Variants in FRMD5 observed in about 807,000 individuals in gnomAD.
FRMD5 encodes FERM domain containing 5, also known as FERM domain-containing protein 5.
A neutral mutation model predicts 69.0 loss-of-function variants in FRMD5; 20 were observed. That is an observed-to-expected ratio of 0.29 (90% CI 0.20 to 0.42). The LOEUF is 0.42. FRMD5 is among the 10% of genes least tolerant of loss of function. The pLI, the probability that FRMD5 is intolerant of heterozygous loss-of-function variation, is 1.00. For synonymous variants in FRMD5, 271 were observed against 260.1 expected, an observed-to-expected ratio of 1.04 and a Z score of -0.40; for missense variants, 595 against 708.6, an observed-to-expected ratio of 0.84 and a Z score of 1.82.
chr15:44,155,624 C>T (rs1055859334), intron 1 of FRMD5, among the ~76,000 whole-genome samples: 2 of 151,910 alleles, frequency 1.3e-5, no homozygotes, highest in Non-Finnish European at 1.5e-5. Context: ...GACAAAGTCT[C>T]GCTCTGTCAC....
chr15:44,051,879 C>A (rs897520805), intron 1 of FRMD5, among the ~76,000 whole-genome samples: 1 of 152,100 alleles, frequency 6.6e-6, no homozygotes. Context: ...TTTATCACAT[C>A]ATATCAAGGG....
intron 1 of FRMD5, among the ~76,000 whole-genome samples, chr15:43,979,979 CAT>C (rs1196767148): frequency 2.0e-5 from 3 of 152,194 alleles, no homozygotes; most frequent in African/African-American, 7.2e-5. Flanking sequence ...GGAACCAAGA[CAT>C]ATTAGATTGT....
intron 7 of FRMD5, among the ~76,000 whole-genome samples, chr15:43,898,469 G>A (rs2088967521): frequency 6.6e-6 from 1 of 152,232 alleles, no homozygotes; most frequent in Admixed American, 6.5e-5. Flanking sequence ...GGCACAGACA[G>A]ACTCTCAATA....
At position 44,157,512 on chromosome 15, in the gene FRMD5, C is replaced by T. The variant is rs547962813; in HGVS notation, c.102+37441G>A. ...TAATACTTCATATAATTCATAATGACGACTTAAAAAGTCCTAAGCAGGTAA... is the reference window on the plus strand; with the variant it reads ...TAATACTTCATATAATTCATAATGATGACTTAAAAAGTCCTAAGCAGGTAA... On this transcript the variant is annotated intron_variant, in intron 1 of 13. Transcript: ENST00000417257. Among the ~76,000 whole-genome samples, 84 of 152,166 alleles carry T rather than the reference C, an allele frequency of 5.5e-4. 1 individual carries two copies. In the South Asian group the frequency reaches 6.8e-3, roughly 12 times the overall value.
chr15:44,083,807 G>A lies in FRMD5; in HGVS notation c.102+111146C>T, dbSNP rs554674374. ...AGACATACACAGTTTAAAAGCCATT[G>A]TGTGTTAAATCAGTGGTTCATTCAG... is the stretch of plus-strand genomic sequence containing the variant. On this transcript the variant is annotated intron_variant, in intron 1 of 13. Coordinates refer to ENST00000417257, the MANE Select transcript of FRMD5 (RefSeq NM_032892.5). Among the ~76,000 whole-genome samples, 8 of 152,132 alleles carry A rather than the reference G, an allele frequency of 5.3e-5. No homozygotes were observed. The East Asian group carries it at 1.5e-3, about 29-fold the overall frequency.
intron 1 of FRMD5, among the ~76,000 whole-genome samples, chr15:44,097,573 C>G (rs2076571587): frequency 6.6e-6 from 1 of 152,182 alleles, no homozygotes; most frequent in Non-Finnish European, 1.5e-5. Flanking sequence ...AGGGCTCTGC[C>G]TTTAACACTG....
At chr15:44,160,313 G>A (rs368497114) in intron 1 of FRMD5, among the ~76,000 whole-genome samples, 3 of 152,180 alleles carry the variant, frequency 2.0e-5, no homozygotes, top group Non-Finnish European at 4.4e-5. Flanking sequence ...CCGAGATGGC[G>A]CCACTGCACC....
intron 1 of FRMD5, among the ~76,000 whole-genome samples, chr15:44,191,902 T>C: frequency 2.5e-3 from 1 of 402 alleles, no homozygotes; most frequent in East Asian, 0.083. Flanking sequence ...AATATATATA[T>C]ATATATATAT....
At chr15:44,021,314 G>A (rs185918800) in intron 1 of FRMD5, among the ~76,000 whole-genome samples, 37 of 152,202 alleles carry the variant, frequency 2.4e-4, no homozygotes, top group African/African-American at 8.9e-4. Context: ...AGTTCATATA[G>A]TTTAATTTTT....
intron 13 of FRMD5, chr15:43,876,100 C>T: frequency 2.2e-6 from 3 of 1,395,344 alleles, no homozygotes; most frequent in Non-Finnish European, 3.1e-6. Context: ...ATGATTTTGC[C>T]ATGTTTTTCC....
chr15:44,127,770 G>T (rs1056165751), intron 1 of FRMD5, among the ~76,000 whole-genome samples: 1 of 152,086 alleles, frequency 6.6e-6, no homozygotes, highest in South Asian at 2.1e-4. Context: ...TACTTGGAAG[G>T]CTGAGGTGGG....
At chr15:43,935,463 C>T (rs1033957675) in intron 1 of FRMD5, among the ~76,000 whole-genome samples, 2 of 152,220 alleles carry the variant, frequency 1.3e-5, no homozygotes. Context: ...CCAGCCCGGG[C>T]GGCAAGAGTG....
At chr15:44,163,569 T>C (rs1392127022) in intron 1 of FRMD5, among the ~76,000 whole-genome samples, 2 of 152,238 alleles carry the variant, frequency 1.3e-5, no homozygotes, top group Non-Finnish European at 1.5e-5. Context: ...TCTGGAGTCC[T>C]ATTATTCATC....
intron 7 of FRMD5, among the ~76,000 whole-genome samples, chr15:43,895,403 C>T (rs1047572790): frequency 1.3e-5 from 2 of 152,196 alleles, no homozygotes; most frequent in African/African-American, 2.4e-5. Context: ...AGGGAATACA[C>T]AGTCCCACAA....
At chr15:44,004,182 G>C (rs1036255403) in intron 1 of FRMD5, among the ~76,000 whole-genome samples, 24 of 152,134 alleles carry the variant, frequency 1.6e-4, no homozygotes, top group African/African-American at 5.3e-4. Context: ...AAGAAATTTA[G>C]TAACACACCC....
At chr15:44,134,169 A>G (rs2555381) in intron 1 of FRMD5, among the ~76,000 whole-genome samples, 93,566 of 144,244 alleles carry the variant, frequency 0.65, 32,651 homozygotes, top group Non-Finnish European at 0.79. Flanking sequence ...CCCAGGCTGG[A>G]GAGTGCAGTG....
At chr15:44,018,591 G>A (rs1258511061) in intron 1 of FRMD5, among the ~76,000 whole-genome samples, 1 of 152,170 alleles carries the variant, frequency 6.6e-6, no homozygotes, top group African/African-American at 2.4e-5. Flanking sequence ...TCAGTCCACA[G>A]GCACAGGTCT....
intron 1 of FRMD5, among the ~76,000 whole-genome samples, chr15:44,100,923 G>A (rs1178286227): frequency 6.6e-6 from 1 of 152,160 alleles, no homozygotes. Flanking sequence ...GGCCGAGGCA[G>A]GTGGATCACG....
chr15:43,944,586 C>T (rs939463582), intron 1 of FRMD5, among the ~76,000 whole-genome samples: 5 of 151,642 alleles, frequency 3.3e-5, no homozygotes, highest in East Asian at 1.9e-4. Context: ...TGAGCCGCCA[C>T]GACCAGCTAA....
Sources: allele counts gnomAD v4.1 joint callset (sites outside exome capture counted in the v4.1 genomes callset), GRCh38; gene constraint gnomAD v4.1.1; transcripts MANE v1.5; gene names NCBI Gene and HGNC (gene_info 2026-07-23, HGNC 2026-07-21).